Variants in ADAMTS16 observed in about 807,000 individuals in gnomAD.
The protein encoded by ADAMTS16 is ADAM metallopeptidase with thrombospondin type 1 motif 16.
In ADAMTS16, 94 loss-of-function variants were observed where a neutral mutation model predicts 145.8. The observed-to-expected ratio is 0.64, with a 90% CI of 0.55 to 0.77. ADAMTS16 has a LOEUF of 0.77. ADAMTS16 is among the 30% of genes least tolerant of loss of function. The probability of loss-of-function intolerance (pLI) is 0.00; values close to 1 mark genes in which losing one functional copy is unlikely to be tolerated. For missense variants in ADAMTS16, 1,585 were observed against 1,591.5 expected (o/e 1.00, Z 0.07); for synonymous variants, 659 against 604.3 (o/e 1.09, Z -1.33).
intron 18 of ADAMTS16, among the ~76,000 whole-genome samples, chr5:5,263,669 C>G (rs959323683): frequency 4.6e-5 from 7 of 152,202 alleles, no homozygotes; most frequent in Non-Finnish European, 1.0e-4. Flanking sequence ...ACAGTGGCAC[C>G]CAGGCAAGGG....
At chr5:5,247,350 AC>A (rs5865600) in intron 17 of ADAMTS16, among the ~76,000 whole-genome samples, 5 of 151,026 alleles carry the variant, frequency 3.3e-5, no homozygotes, top group African/African-American at 7.3e-5. Flanking sequence ...AAAATATATT[AC>A]CCCCCCGCCC....
intron 18 of ADAMTS16, among the ~76,000 whole-genome samples, chr5:5,299,750 G>T (rs1159661943): frequency 6.6e-6 from 1 of 152,078 alleles, no homozygotes; most frequent in East Asian, 1.9e-4. Context: ...CGTCTCCAGA[G>T]TCCCGCAGTG....
At position 5,198,774 on chromosome 5, in the gene ADAMTS16, T is replaced by G. The variant is rs536606182; in HGVS notation, c.1314-1358T>G. Among the ~76,000 whole-genome samples, 3 of 152,328 alleles carry G rather than the reference T, an allele frequency of 2.0e-5. No individual in the cohort carries two copies. In the South Asian group the frequency reaches 6.2e-4, roughly 32 times the overall value. On this transcript the variant is annotated intron_variant, in intron 8 of 22. Transcript: ENST00000274181. ...ATGTGTCTTCAGCCTAGGCAACAAG[T>G]ACAGATTCTCTTGACACCTTTTGGA...
rs1430871603 is a variant in ADAMTS16 at position 5,182,279 on chromosome 5, A to G, written c.737A>G (p.Gln246Arg). Residue 246 changes from glutamine (Q) to arginine (R), a missense_variant, in exon 4 of 23, where the codon CAG becomes CGG. This residue lies in a region of ADAMTS16 where 453 missense variants were observed against 412.1 expected (regional missense o/e 1.10). Coordinates refer to ENST00000274181, the MANE Select transcript of ADAMTS16 (RefSeq NM_139056.4). ...SDLRLGLPQKQHFCGRRKKYM... is the reference protein window; with the variant it reads ...SDLRLGLPQKRHFCGRRKKYM... ...CTTCGCCTGGGACTGCCACAAAAGCAGCATTTCTGTGGAAGACGCAAGAAA... is the reference window on the plus strand; with the variant it reads ...CTTCGCCTGGGACTGCCACAAAAGCGGCATTTCTGTGGAAGACGCAAGAAA... 2 of 1,613,148 alleles carry G rather than the reference A, an allele frequency of 1.2e-6. No homozygotes were observed. Among genetic ancestry groups the G allele is most frequent in the African/African-American group, 1.3e-5 (1 of 74,916 alleles).
At chr5:5,194,685 A>T (rs1735751944) in intron 8 of ADAMTS16, among the ~76,000 whole-genome samples, 3 of 152,202 alleles carry the variant, frequency 2.0e-5, no homozygotes, top group Admixed American at 2.0e-4. Flanking sequence ...ACATTTGTTC[A>T]GTTCATGTAT....
chr5:5,297,193 G>A (rs1739573838), intron 18 of ADAMTS16, among the ~76,000 whole-genome samples: 1 of 152,228 alleles, frequency 6.6e-6, no homozygotes, highest in Admixed American at 6.5e-5. Flanking sequence ...GGGGACCACT[G>A]GCTCTGGATG....
chr5:5,204,311 A>G (rs1736033835), intron 9 of ADAMTS16, among the ~76,000 whole-genome samples: 1 of 152,204 alleles, frequency 6.6e-6, no homozygotes, highest in Admixed American at 6.5e-5. Flanking sequence ...TAATGTGTTC[A>G]TTAACATTAT....
At chr5:5,214,180 C>T (rs1047259800) in intron 10 of ADAMTS16, among the ~76,000 whole-genome samples, 20 of 152,106 alleles carry the variant, frequency 1.3e-4, no homozygotes, top group Admixed American at 3.9e-4. Context: ...AACAATTGGT[C>T]CATATATGTG....
At chr5:5,225,318 G>C (rs73735754) in intron 11 of ADAMTS16, among the ~76,000 whole-genome samples, 29,289 of 152,038 alleles carry the variant, frequency 0.19, 3,301 homozygotes, top group East Asian at 0.5. Context: ...AAAGAGGAAA[G>C]AGACCGGGCG....
chr5:5,209,058 G>T, intron 9 of ADAMTS16, 35 bp from the exon 10 acceptor site: 1 of 1,598,796 alleles, frequency 6.3e-7, no homozygotes, highest in South Asian at 1.1e-5. Context: ...TACTCTACGG[G>T]CAGTTACTAG....
At chr5:5,215,959 G>A (rs1347223879) in intron 10 of ADAMTS16, among the ~76,000 whole-genome samples, 1 of 139,472 alleles carries the variant, frequency 7.2e-6, no homozygotes, top group Non-Finnish European at 1.5e-5. Flanking sequence ...CATTTGGGTT[G>A]GTTTCACAAT....
chr5:5,192,831 G>A (rs993855858), intron 8 of ADAMTS16, among the ~76,000 whole-genome samples: 1 of 152,080 alleles, frequency 6.6e-6, no homozygotes, highest in Non-Finnish European at 1.5e-5. Flanking sequence ...TTGAAGTATC[G>A]TCTGTTAAAT....
chr5:5,205,266 A>G (rs1157713972), intron 9 of ADAMTS16, among the ~76,000 whole-genome samples: 1 of 151,776 alleles, frequency 6.6e-6, no homozygotes, highest in East Asian at 1.9e-4. Flanking sequence ...TGGAATCCAA[A>G]TTATTAATGT....
intron 11 of ADAMTS16, among the ~76,000 whole-genome samples, chr5:5,231,351 G>A (rs779882477): frequency 5.1e-4 from 77 of 152,242 alleles, no homozygotes; most frequent in Non-Finnish European, 1.0e-3. Context: ...GCCAACACTG[G>A]TCAGATATCA....
intron 8 of ADAMTS16, among the ~76,000 whole-genome samples, chr5:5,196,083 G>A (rs1820660): frequency 0.29 from 43,289 of 151,620 alleles, 7,096 homozygotes; most frequent in South Asian, 0.38. Context: ...AAAATTAGCC[G>A]AGTGTGGTGG....
chr5:5,146,372 C>T lies in ADAMTS16; in HGVS notation c.418C>T (p.Pro140Ser). ...KTGTKSVQTLPPEDFCFYQGS... is the reference protein window; with the variant it reads ...KTGTKSVQTLSPEDFCFYQGS... ...AGGCACTAAGTCTGTGCAGACTTTACCGCCAGAGGACTTCTGTTTCTATCA... is the reference window on the plus strand; with the variant it reads ...AGGCACTAAGTCTGTGCAGACTTTATCGCCAGAGGACTTCTGTTTCTATCA... The change falls in exon 3 of 23, where the codon CCG (proline) becomes TCG (serine). Residue 140 changes from proline (P) to serine (S), a missense_variant. Physicochemically the swap from Pro to Ser is moderately conservative, Grantham distance 74. Coordinates refer to ENST00000274181, the MANE Select transcript of ADAMTS16 (RefSeq NM_139056.4). 4 of 1,614,140 alleles carry T rather than the reference C, an allele frequency of 2.5e-6. No homozygotes were observed. The highest frequency in any genetic ancestry group is 3.4e-6 in the Non-Finnish European group (4 of 1,180,052).
intron 18 of ADAMTS16, among the ~76,000 whole-genome samples, chr5:5,266,760 G>A (rs1398157380): frequency 1.3e-5 from 2 of 152,172 alleles, no homozygotes; most frequent in Non-Finnish European, 2.9e-5. Flanking sequence ...ACCTCAGGTA[G>A]AACATGCTCA....
chr5:5,231,902 G>A (rs1736936036), intron 11 of ADAMTS16, among the ~76,000 whole-genome samples: 1 of 152,098 alleles, frequency 6.6e-6, no homozygotes, highest in South Asian at 2.1e-4. Flanking sequence ...TGGGGGGAAA[G>A]CACAGACTAT....
chr5:5,261,442 A>G (rs1738019763), intron 17 of ADAMTS16, among the ~76,000 whole-genome samples: 1 of 150,264 alleles, frequency 6.7e-6, no homozygotes, highest in South Asian at 2.1e-4. Context: ...CTGGCCCTGC[A>G]TTCACTCTTT....
Sources: gnomAD v4.1 joint callset for allele counts (sites outside exome capture counted in the v4.1 genomes callset) on GRCh38, gnomAD v4.1.1 for gene constraint, gnomAD v4.1.1 regional missense constraint, MANE v1.5 for transcripts, NCBI Gene and HGNC (gene_info 2026-07-23, HGNC 2026-07-21) for gene names.